Variants in FRYL observed in about 807,000 individuals in gnomAD.
The protein encoded by FRYL is FRY like transcription coactivator.
FRYL carries 150 observed loss-of-function variants against 351.2 expected under a neutral mutation model. That is an observed-to-expected ratio of 0.43 (90% confidence interval 0.37 to 0.49). FRYL has a LOEUF of 0.49. Among genes scored for constraint, FRYL ranks in the 20% least tolerant of loss-of-function variants. The pLI, the probability that FRYL is intolerant of heterozygous loss-of-function variation, is 0.00. For missense variants in FRYL, 3,036 were observed against 3,619.3 expected (o/e 0.84, Z 4.13); for synonymous variants, 1,153 against 1,257.1 (o/e 0.92, Z 1.75).
intron 56 of FRYL, among the ~76,000 whole-genome samples, chr4:48,514,774 T>C (rs574885908): frequency 2.6e-5 from 4 of 152,266 alleles, no homozygotes; most frequent in Non-Finnish European, 5.9e-5. Flanking sequence ...TACCACTTAC[T>C]ATGCTTTGAA....
At chr4:48,623,646 T>C (rs973590744) in intron 4 of FRYL, among the ~76,000 whole-genome samples, 15 of 152,280 alleles carry the variant, frequency 9.9e-5, no homozygotes, top group South Asian at 2.1e-4. Flanking sequence ...TGAATGACCA[T>C]AGGCTGATGC....
At chr4:48,626,110 A>G (rs564286811) in intron 4 of FRYL, among the ~76,000 whole-genome samples, 1 of 152,140 alleles carries the variant, frequency 6.6e-6, no homozygotes, top group Admixed American at 6.6e-5. Context: ...TATAGCCACG[A>G]AAGTTATGGT....
Position 48,521,150 on chromosome 4 carries a change from T to G in FRYL, c.7587A>C (p.Glu2529Asp). 6.2e-7 allele frequency: 1 copy of G among 1,613,426 alleles called. No individual in the cohort carries two copies. Among genetic ancestry groups the G allele is most frequent in the South Asian group, 1.1e-5 (1 of 91,036 alleles). ...CTGTTGTGATGCTGCCAGTGGAATC[T>G]TCAGACTGGAGAAGTAAGTCAGGAT... is the stretch of plus-strand genomic sequence containing the variant. ...PDHPDLLLQS[E>D]DSTGSITTEE... Residue 2529 changes from glutamate to aspartate, a missense_variant, in exon 55 of 64, where the codon GAA (glutamate) becomes GAC (aspartate). Physicochemically the swap from Glu to Asp is conservative, Grantham distance 45 (BLOSUM62 2). Transcript: ENST00000358350.
intron 12 of FRYL, among the ~76,000 whole-genome samples, chr4:48,602,952 G>T (rs546448131): frequency 6.6e-6 from 1 of 152,098 alleles, no homozygotes; most frequent in Non-Finnish European, 1.5e-5. Flanking sequence ...TGTGTAGTAG[G>T]CTATACTATT....
chr4:48,650,605 G>A (rs1303612023), intron 3 of FRYL, among the ~76,000 whole-genome samples: 1 of 152,132 alleles, frequency 6.6e-6, no homozygotes, highest in Non-Finnish European at 1.5e-5. Context: ...CAAATATGAA[G>A]GCACAGAATG....
At chr4:48,507,423 G>A (rs1395208635) in intron 59 of FRYL, among the ~76,000 whole-genome samples, 2 of 149,842 alleles carry the variant, frequency 1.3e-5, no homozygotes, top group South Asian at 4.3e-4. Context: ...TTTAACTGTC[G>A]AGGTTCTACT....
intron 1 of FRYL, among the ~76,000 whole-genome samples, chr4:48,757,025 T>A (rs1313037295): frequency 6.6e-6 from 1 of 152,172 alleles, no homozygotes; most frequent in African/African-American, 2.4e-5. Flanking sequence ...GTGTGGTGAC[T>A]AATAGGGAAA....
At chr4:48,752,711 T>C (rs1237850738) in intron 1 of FRYL, among the ~76,000 whole-genome samples, 1 of 152,238 alleles carries the variant, frequency 6.6e-6, no homozygotes, top group Non-Finnish European at 1.5e-5. Flanking sequence ...TGTTTATAAC[T>C]GATGAATATA....
At chr4:48,632,075 A>T (rs1753110259) in intron 4 of FRYL, among the ~76,000 whole-genome samples, 2 of 32,772 alleles carry the variant, frequency 6.1e-5, no homozygotes, top group Non-Finnish European at 1.3e-4. Flanking sequence ...AAAAAAAAAA[A>T]AAAAAAAAAA....
chr4:48,632,077 A>T (rs1753114036), intron 4 of FRYL, among the ~76,000 whole-genome samples: 8 of 32,680 alleles, frequency 2.4e-4, no homozygotes, highest in Admixed American at 6.3e-4. Flanking sequence ...AAAAAAAAAA[A>T]AAAAAAAAAA....
At chr4:48,759,863 C>G (rs540654396) in intron 1 of FRYL, among the ~76,000 whole-genome samples, 4 of 152,154 alleles carry the variant, frequency 2.6e-5, no homozygotes, top group Non-Finnish European at 5.9e-5. Context: ...TTAGCAACTT[C>G]AATTCCATCT....
Position 48,613,147 on chromosome 4 carries a change from T to C in FRYL, c.412-3324A>G, listed in dbSNP as rs546660645. On this transcript the variant is annotated intron_variant, in intron 7 of 63. Coordinates refer to ENST00000358350, the MANE Select transcript of FRYL (RefSeq NM_015030.2). ...AAATGTTGTTTGTTTCATATACACCTTATACACATAGCTTGAAGGTAATTT... is the reference window on the plus strand; with the variant it reads ...AAATGTTGTTTGTTTCATATACACCCTATACACATAGCTTGAAGGTAATTT... Among the ~76,000 whole-genome samples, 44 of 152,334 alleles carry C rather than the reference T, an allele frequency of 2.9e-4. 1 individual carries two copies. The highest frequency in any genetic ancestry group is 1.1e-3 in the African/African-American group (44 of 41,578).
chr4:48,611,103 G>A (rs1748085071), intron 7 of FRYL, among the ~76,000 whole-genome samples: 2 of 151,788 alleles, frequency 1.3e-5, no homozygotes, highest in Admixed American at 1.3e-4. Context: ...TGGTGCATTG[G>A]TTCCAGGACC....
chr4:48,711,559 G>C (rs1338476726), intron 1 of FRYL, among the ~76,000 whole-genome samples: 3 of 119,384 alleles, frequency 2.5e-5, no homozygotes, highest in African/African-American at 3.2e-5. Flanking sequence ...CAAAGCAGCC[G>C]GGAAGCTCGA....
At chr4:48,574,269 C>T (rs1739039882) in intron 25 of FRYL, among the ~76,000 whole-genome samples, 1 of 152,050 alleles carries the variant, frequency 6.6e-6, no homozygotes, top group South Asian at 2.1e-4. Context: ...TGAATTGTTT[C>T]TAATTATGAG....
chr4:48,687,505 GGT>G (rs1252803587), intron 2 of FRYL, among the ~76,000 whole-genome samples: 7,862 of 39,976 alleles, frequency 0.2, 73 homozygotes, highest in Middle Eastern at 0.28. Context: ...GGGGGGGGGG[GGT>G]GAGGGGGGAG....
chr4:48,680,293 CA>C (rs1192886964), intron 3 of FRYL, among the ~76,000 whole-genome samples: 1 of 151,836 alleles, frequency 6.6e-6, no homozygotes, highest in African/African-American at 2.4e-5. Context: ...CTGTTTTAAT[CA>C]AATATTTGAA....
At position 48,547,727 on chromosome 4, in the gene FRYL, C is replaced by A; in HGVS notation, c.4931G>T (p.Arg1644Leu). 6.3e-7 allele frequency: 1 copy of A among 1,576,554 alleles called. No individual in the cohort carries two copies. Among genetic ancestry groups the A allele is most frequent in the Non-Finnish European group, 8.7e-7 (1 of 1,155,576 alleles). ...CHPEVYEHCK[R>L]LLLHLLIVMG... ...TACTATTAATAAGTGCAGAAGCAGG[C>A]GTTTACAATGTTCATACACCTCAGG... Residue 1644 changes from arginine (R) to leucine (L), a missense_variant, in exon 41 of 64, where the codon CGC (arginine) becomes CTC (leucine). Physicochemically the swap from Arg to Leu is moderately radical, Grantham distance 102. Around this residue, in one of 7 missense-constraint regions of FRYL, gnomAD observed 1,987 missense variants for 2,311.7 expected, o/e 0.86. Transcript: ENST00000358350.
At chr4:48,703,106 AG>A (rs2149578812) in intron 2 of FRYL, among the ~76,000 whole-genome samples, 1 of 152,330 alleles carries the variant, frequency 6.6e-6, no homozygotes, top group South Asian at 2.1e-4. Flanking sequence ...CTTCAATACC[AG>A]ATGGGATCTC....
Sources: gnomAD v4.1 joint callset for allele counts (sites outside exome capture counted in the v4.1 genomes callset) on GRCh38, gnomAD v4.1.1 for gene constraint, gnomAD v4.1.1 regional missense constraint, MANE v1.5 for transcripts, NCBI Gene and HGNC (gene_info 2026-07-23, HGNC 2026-07-21) for gene names.